Variants in BANK1 observed in about 807,000 individuals in gnomAD.
The protein encoded by BANK1 is B-cell scaffold protein with ankyrin repeats.
BANK1 carries 95 observed loss-of-function variants against 94.5 expected under a neutral mutation model. That is an observed-to-expected ratio of 1.00 (90% CI 0.85 to 1.19). The LOEUF (loss-of-function observed/expected upper bound fraction) is 1.19. Ranked by LOEUF, BANK1 falls within the 50% of genes most tolerant of loss-of-function variation. The pLI is 0.00. For missense variants in BANK1, 987 were observed against 932.2 expected, an observed-to-expected ratio of 1.06 and a Z score of -0.77; for synonymous variants, 334 against 308.4, an observed-to-expected ratio of 1.08 and a Z score of -0.87.
intron 7 of BANK1, among the ~76,000 whole-genome samples, chr4:102,007,137 A>AATAT (rs1726319417): frequency 1.0e-4 from 3 of 28,626 alleles, no homozygotes; most frequent in African/African-American, 1.3e-4. Flanking sequence ...TATATATAAA[A>AATAT]AATATATTTT....
intron 10 of BANK1, among the ~76,000 whole-genome samples, chr4:102,033,595 A>C (rs1158573221): frequency 6.6e-6 from 1 of 152,214 alleles, no homozygotes; most frequent in Non-Finnish European, 1.5e-5. Context: ...AAAGAATCTT[A>C]AAGATCTTCA....
chr4:101,984,389 C>T (rs1323326377), intron 7 of BANK1, among the ~76,000 whole-genome samples: 1 of 151,944 alleles, frequency 6.6e-6, no homozygotes, highest in African/African-American at 2.4e-5. Flanking sequence ...AGATAGCTAG[C>T]TTCAGCTTTA....
At chr4:101,902,968 AG>A (rs1722331110) in intron 6 of BANK1, among the ~76,000 whole-genome samples, 2 of 152,252 alleles carry the variant, frequency 1.3e-5, no homozygotes, top group South Asian at 4.1e-4. Context: ...GTAACTGAGT[AG>A]TTTCAATTAA....
At position 102,043,891 on chromosome 4, in the gene BANK1, T is replaced by A. The variant is rs749318520; in HGVS notation, c.1953T>A (p.Gly651=). 1 of 1,595,834 alleles carries A rather than the reference T, an allele frequency of 6.3e-7. No homozygotes were observed. The highest frequency in any genetic ancestry group is 8.6e-7 in the Non-Finnish European group (1 of 1,165,394). ...RRQSDDDKFC[G]LPKKQDRARI... is the part of the protein sequence containing the mutation. The stretch of plus-strand genomic sequence containing the variant: ...AATCTGATGATGACAAGTTCTGTGG[T>A]CTTCCTAAGAAACAAGGTACTAACA... Residue 651 remains glycine, a synonymous_variant, in exon 11 of 17, where the codon GGT becomes GGA. Coordinates refer to ENST00000322953, the MANE Select transcript of BANK1 (RefSeq NM_017935.5).
At chr4:101,845,912 C>T (rs1162300388) in intron 2 of BANK1, among the ~76,000 whole-genome samples, 2 of 152,122 alleles carry the variant, frequency 1.3e-5, no homozygotes, top group African/African-American at 2.4e-5. Flanking sequence ...AGGTGCACAA[C>T]GTGCAGGTTT....
At chr4:101,942,034 A>G (rs1723767444) in intron 7 of BANK1, among the ~76,000 whole-genome samples, 1 of 151,848 alleles carries the variant, frequency 6.6e-6, no homozygotes, top group South Asian at 2.1e-4. Context: ...GAGTAAGAAC[A>G]ATAGCTATTT....
At chr4:102,003,458 G>T (rs1323266705) in intron 7 of BANK1, among the ~76,000 whole-genome samples, 1 of 152,150 alleles carries the variant, frequency 6.6e-6, no homozygotes, top group Non-Finnish European at 1.5e-5. Flanking sequence ...GGTCAGCTGG[G>T]ACTGTGAACC....
At chr4:102,049,200 G>T (rs947304014) in intron 11 of BANK1, among the ~76,000 whole-genome samples, 2 of 152,100 alleles carry the variant, frequency 1.3e-5, no homozygotes, top group African/African-American at 4.8e-5. Flanking sequence ...TTTGGTCTCT[G>T]CCAGATAATA....
chr4:101,938,178 G>A (rs1281431612), intron 7 of BANK1, among the ~76,000 whole-genome samples: 1 of 151,654 alleles, frequency 6.6e-6, no homozygotes, highest in South Asian at 2.1e-4. Flanking sequence ...CATGGCACGT[G>A]TATACCTATG....
chr4:101,927,463 T>C (rs1470634513), intron 7 of BANK1, among the ~76,000 whole-genome samples: 1 of 151,592 alleles, frequency 6.6e-6, no homozygotes, highest in East Asian at 2.0e-4. Flanking sequence ...GTCACAACTA[T>C]ATTGATCACA....
At chr4:101,843,256 T>TA (rs552889671) in intron 2 of BANK1, among the ~76,000 whole-genome samples, 55 of 152,330 alleles carry the variant, frequency 3.6e-4, no homozygotes, top group African/African-American at 1.3e-3. Flanking sequence ...TTATCAGTAT[T>TA]ACTTCCCTAT....
At chr4:101,960,680 C>T (rs941373074) in intron 7 of BANK1, among the ~76,000 whole-genome samples, 3 of 152,144 alleles carry the variant, frequency 2.0e-5, no homozygotes, top group South Asian at 2.1e-4. Flanking sequence ...GCTTTCTTTT[C>T]GTTGTTTCGT....
chr4:101,803,107 T>C (rs995752638), intron 1 of BANK1, among the ~76,000 whole-genome samples: 1 of 144,248 alleles, frequency 6.9e-6, no homozygotes, highest in Non-Finnish European at 1.5e-5. Context: ...ATGGGATGCA[T>C]TGTTGTCTCA....
intron 1 of BANK1, among the ~76,000 whole-genome samples, chr4:101,823,754 A>G (rs1052984895): frequency 6.6e-6 from 1 of 152,264 alleles, no homozygotes; most frequent in African/African-American, 2.4e-5. Context: ...TGCATCTTAA[A>G]AGAAGAAAGT....
chr4:101,901,623 A>AG (rs1722284861), intron 6 of BANK1, among the ~76,000 whole-genome samples: 1 of 152,232 alleles, frequency 6.6e-6, no homozygotes, highest in Non-Finnish European at 1.5e-5. Flanking sequence ...GCATCAAAAA[A>AG]AAGTAACAGA....
chr4:102,053,342 G>A (rs1728118095), intron 11 of BANK1, among the ~76,000 whole-genome samples: 3 of 152,024 alleles, frequency 2.0e-5, no homozygotes, highest in African/African-American at 7.2e-5. Flanking sequence ...AAATCTTTTT[G>A]ATTATAAGGA....
At chr4:102,021,453 A>T in intron 7 of BANK1, 61 bp from the exon 8 acceptor site, 1 of 604,562 alleles carries the variant, frequency 1.7e-6, no homozygotes, top group East Asian at 3.3e-5. Context: ...TTATTTGCAC[A>T]GGCATCCAGT....
chr4:101,841,146 AT>A (rs775943369), intron 2 of BANK1, among the ~76,000 whole-genome samples: 10 of 152,178 alleles, frequency 6.6e-5, no homozygotes, highest in Middle Eastern at 3.2e-3. Context: ...ACATGTATAT[AT>A]TTAAAAGCTT....
Position 101,847,233 on chromosome 4 carries a change from G to A in BANK1, c.470-7802G>A, listed in dbSNP as rs946776977. Among the ~76,000 whole-genome samples, 7 of 132,814 alleles carry A rather than the reference G, an allele frequency of 5.3e-5. No individual in the cohort carries two copies. In the East Asian group the frequency reaches 8.7e-4, roughly 17 times the overall value. 87.1% of individuals were successfully genotyped at this position (132,814 alleles called of 152,430 possible). On this transcript the variant is annotated intron_variant, in intron 2 of 16. Transcript: ENST00000322953. ...TGTGTGTGTGTGTGTGTGTGTGTGT[G>A]TGTATGTATATAGTGAGTTAATATA...
Sources: allele counts gnomAD v4.1 joint callset (sites outside exome capture counted in the v4.1 genomes callset), GRCh38; gene constraint gnomAD v4.1.1; transcripts MANE v1.5; gene names NCBI Gene and HGNC (gene_info 2026-07-23, HGNC 2026-07-21).